LRCOL1: variants seen among roughly 807,000 people sequenced by gnomAD.
LRCOL1 encodes the protein leucine-rich colipase-like protein 1.
A neutral mutation model predicts 21.6 loss-of-function variants in LRCOL1; 21 were observed. The observed-to-expected ratio is 0.97, with a 90% CI of 0.69 to 1.40. LRCOL1 has a LOEUF of 1.40. Ranked by LOEUF, LRCOL1 falls within the 40% of genes most tolerant of loss-of-function variation. The pLI, the probability that LRCOL1 is intolerant of heterozygous loss-of-function variation, is 0.00. For missense variants in LRCOL1, 198 were observed against 202.3 expected, an observed-to-expected ratio of 0.98 and a Z score of 0.13; for synonymous variants, 98 against 90.1, an observed-to-expected ratio of 1.09 and a Z score of -0.49.
chr12:132,605,117 C>T, intron 2 of LRCOL1: 2 of 1,216,770 alleles, frequency 1.6e-6, no homozygotes, highest in South Asian at 4.0e-5. Flanking sequence ...AGCTCTCAGG[C>T]CAGCCCAGTG....
chr12:132,605,282 T>C (rs911158739), intron 2 of LRCOL1: 1 of 242,128 alleles, frequency 4.1e-6, no homozygotes, highest in African/African-American at 2.3e-5. Flanking sequence ...TGCTGCTGTG[T>C]GCGCGACCTC....
At chr12:132,605,152 C>T in intron 2 of LRCOL1, 5 of 1,155,548 alleles carry the variant, frequency 4.3e-6, no homozygotes, top group Non-Finnish European at 5.4e-6. Context: ...GGAGAAGAAA[C>T]AGGCTCAGGG....
intron 5 of LRCOL1, chr12:132,603,814 A>G: frequency 1.0e-6 from 1 of 985,380 alleles, no homozygotes; most frequent in South Asian, 4.7e-5. Flanking sequence ...GGGAGCCTGC[A>G]CCGAGCACGG....
intron 4 of LRCOL1, 42 bp downstream of exon 4, chr12:132,604,420 C>T (rs1019474352): frequency 1.1e-5 from 17 of 1,533,084 alleles, no homozygotes; most frequent in South Asian, 2.4e-5. Context: ...GGGCTGTCTC[C>T]GGCTACCCCT....
At position 132,604,495 on chromosome 12, in the gene LRCOL1, T is replaced by G. The variant is rs948413354; in HGVS notation, c.321A>C (p.Gln107His). The G allele has an allele frequency of 5.2e-6, 8 of 1,535,642 alleles. No homozygotes were observed. Among genetic ancestry groups the G allele is most frequent in the African/African-American group, 1.4e-5 (1 of 72,936 alleles). The stretch of plus-strand genomic sequence containing the variant: ...AGGGCACACACTGCAGGAAGACGCT[T>G]TGGGGCGTGCACAACTCCTGCGGGC... ...NNSPQELCTP[Q>H]SVFLQCVPWR... The change falls in exon 4 of 6, where the codon CAA (glutamine) becomes CAC (histidine). Residue 107 changes from glutamine (Q) to histidine (H), a missense_variant. Physicochemically the swap from Gln to His is conservative, Grantham distance 24. Transcript: ENST00000376608.
rs750237987 is a variant in LRCOL1 at position 132,604,705 on chromosome 12, C to T, written c.231+1G>A. On this transcript the variant is annotated splice_donor_variant, in intron 3 of 5. Transcript: ENST00000376608. LOFTEE classifies it high-confidence loss of function. Reference sequence around the variant, plus strand: ...CACCCCCGCCCCTGCACGCACCTCACCTTCCTCCAGGGCAGGCACTGCAGG... The same window carrying T: ...CACCCCCGCCCCTGCACGCACCTCATCTTCCTCCAGGGCAGGCACTGCAGG... 111 of 1,535,710 alleles carry T rather than the reference C, an allele frequency of 7.2e-5. No individual in the cohort carries two copies. Among genetic ancestry groups the T allele is most frequent in the Non-Finnish European group, 6.9e-5 (79 of 1,146,716 alleles).
In LRCOL1 at chr12:132,606,085, C is replaced by G. The variant is rs942222640; in HGVS notation, c.105+62G>C. On this transcript the variant is annotated intron_variant, in intron 2 of 5. Transcript: ENST00000376608. The surrounding 1 kb of genome is among the most constrained non-coding windows in gnomAD (Gnocchi z 4.6). ...GGGACTGCAAGGGCCTCAGGGGCGC[C>G]CGGCACCCACCTTATGGCGCGTGTG... The G allele has an allele frequency of 6.6e-7, 1 of 1,503,906 alleles. No homozygotes were observed. Among genetic ancestry groups the G allele is most frequent in the African/African-American group, 1.4e-5 (1 of 72,284 alleles). The allele number at this position is 1,503,906 out of a possible 1,614,324, so 93.2% of individuals were successfully genotyped here. A position where few individuals can be genotyped will look rare whatever the true frequency, so the allele number is the denominator to read the frequency against.
At chr12:132,603,499 G>T in intron 5 of LRCOL1, 95 bp from the exon 6 acceptor site, 1 of 1,534,640 alleles carries the variant, frequency 6.5e-7, no homozygotes, top group South Asian at 1.2e-5. Context: ...AGCATCTCCC[G>T]GCACCAGCCT....
rs1375403897 is a variant in LRCOL1, at chr12:132,603,249, C to T, written c.*153G>A. Reference sequence around the variant, plus strand: ...ACACTTCGCGCCACCAGGCTGGTCACAGCCTTTCAGTTCCCACAGATTTTC... The same window carrying T: ...ACACTTCGCGCCACCAGGCTGGTCATAGCCTTTCAGTTCCCACAGATTTTC... On this transcript the variant is annotated 3_prime_UTR_variant, in exon 6 of 6. Transcript: ENST00000376608. The T allele has an allele frequency of 8.2e-7, 1 of 1,217,896 alleles. No homozygotes were observed. The highest frequency in any genetic ancestry group is 1.5e-5 in the African/African-American group (1 of 65,982). The allele number at this position is 1,217,896 out of a possible 1,614,324, so 75.4% of individuals were successfully genotyped here. A position where few individuals can be genotyped will look rare whatever the true frequency, so the allele number is the denominator to read the frequency against.
intron 5 of LRCOL1, chr12:132,603,894 C>CCT: frequency 4.2e-6 from 5 of 1,194,396 alleles, no homozygotes; most frequent in Non-Finnish European, 5.2e-6. Flanking sequence ...GAAGCCAGGA[C>CCT]CCTCCTCCTC....
chr12:132,603,705 C>T (rs1423932145), intron 5 of LRCOL1: 10 of 985,318 alleles, frequency 1.0e-5, no homozygotes, highest in African/African-American at 3.5e-5. Context: ...TCACCCCAGA[C>T]GGGAGCTCTG....
chr12:132,608,866 T>C (rs532431394), intron 1 of LRCOL1, among the ~76,000 whole-genome samples: 2 of 152,340 alleles, frequency 1.3e-5, no homozygotes, highest in South Asian at 2.1e-4. Flanking sequence ...AACCTTTTCG[T>C]AGGTCCTTGC....
At chr12:132,603,969 G>C in intron 5 of LRCOL1, 1 of 1,278,492 alleles carries the variant, frequency 7.8e-7, no homozygotes, top group Non-Finnish European at 9.9e-7. Context: ...CACGGGGGAT[G>C]GTCCTGGGTC....
At position 132,604,533 on chromosome 12, in the gene LRCOL1, C is replaced by T. The variant is rs936458761; in HGVS notation, c.283G>A (p.Val95Ile). 1.8e-5 allele frequency: 28 copies of T among 1,536,014 alleles called. No individual in the cohort carries two copies. Among genetic ancestry groups the T allele is most frequent in the East Asian group, 1.5e-4 (6 of 40,926 alleles). Residue 95 changes from valine to isoleucine, a missense_variant, in exon 4 of 6, where the codon GTC (valine) becomes ATC (isoleucine). Physicochemically the swap from Val to Ile is conservative, Grantham distance 29 (BLOSUM62 3). Transcript: ENST00000376608. ...AACTCCTGCGGGCTGTTGTTGCGGACGCAGCAGCTGCTCTGGCACTCTGAG... is the reference window on the plus strand; with the variant it reads ...AACTCCTGCGGGCTGTTGTTGCGGATGCAGCAGCTGCTCTGGCACTCTGAG... Reference protein sequence around the residue: ...HDSECQSSCCVRNNSPQELCT... With the variant: ...HDSECQSSCCIRNNSPQELCT...
intron 1 of LRCOL1, among the ~76,000 whole-genome samples, chr12:132,609,026 C>T (rs568252757): frequency 6.6e-6 from 1 of 152,284 alleles, no homozygotes; most frequent in East Asian, 1.9e-4. Context: ...GCGTTTTTCA[C>T]GACGGCCAGA....
At position 132,603,160 on chromosome 12, in the gene LRCOL1, C is replaced by T; in HGVS notation, c.*242G>A. The stretch of plus-strand genomic sequence containing the variant: ...GGTGAGACACGGCTGCTCAGTCGGC[C>T]AGGAGCCTTTATTGATGTTTAACAA... On this transcript the variant is annotated 3_prime_UTR_variant, in exon 6 of 6. Coordinates refer to ENST00000376608, the MANE Select transcript of LRCOL1 (RefSeq NM_001195520.2). 4.0e-6 allele frequency: 2 copies of T among 500,498 alleles called. No homozygotes were observed. The highest frequency in any genetic ancestry group is 6.6e-5 in the East Asian group (2 of 30,264). The allele number at this position is 500,498 out of a possible 1,614,324, so 31.0% of individuals were successfully genotyped here.
At position 132,604,753 on chromosome 12, in the gene LRCOL1, G is replaced by C. The variant is rs1480638074; in HGVS notation, c.184C>G (p.Leu62Val). The change falls in exon 3 of 6, where the codon CTC becomes GTC. Residue 62 changes from leucine (L) to valine (V), a missense_variant. Leu to Val is a conservative substitution (Grantham distance 32, BLOSUM62 1). Transcript: ENST00000376608. ...AGGAAGATGGTCTTAGGGGTGCAGA[G>C]CGTGTGTGGGGCCAGGCTGTTGATG... is the stretch of plus-strand genomic sequence containing the variant. ...CTINSLAPHT[L>V]CTPKTIFLQC... The C allele has an allele frequency of 6.5e-7, 1 of 1,536,064 alleles. No homozygotes were observed. Among genetic ancestry groups the C allele is most frequent in the Admixed American group, 2.0e-5 (1 of 50,986 alleles).
intron 2 of LRCOL1, among the ~76,000 whole-genome samples, chr12:132,605,643 C>T (rs1186748448): frequency 3.3e-5 from 5 of 152,140 alleles, no homozygotes; most frequent in Non-Finnish European, 7.3e-5. Context: ...GCAGGAGAAT[C>T]GCCTGAACCC....
chr12:132,605,757 G>A (rs997775711), intron 2 of LRCOL1: 9 of 172,824 alleles, frequency 5.2e-5, no homozygotes, highest in East Asian at 1.7e-4. Context: ...ACACACACAC[G>A]CACACAATTT....
Sources: gnomAD v4.1 joint callset for allele counts (sites outside exome capture counted in the v4.1 genomes callset) on GRCh38, gnomAD v4.1.1 for gene constraint, Gnocchi (gnomAD v3.1) non-coding constraint, MANE v1.5 for transcripts, NCBI Gene and HGNC (gene_info 2026-07-23, HGNC 2026-07-21) for gene names.